FFAR4: variants seen among roughly 807,000 people sequenced by gnomAD.
FFAR4 encodes G-protein coupled receptor 120.
A neutral mutation model predicts 27.0 loss-of-function variants in FFAR4; 19 were observed. The observed-to-expected ratio is 0.70, with a 90% CI of 0.49 to 1.03. The LOEUF (loss-of-function observed/expected upper bound fraction) is 1.03. FFAR4 is among the 50% of genes least tolerant of loss of function. The pLI is 0.00. For missense variants in FFAR4, 476 were observed against 479.0 expected (o/e 0.99, Z 0.06); for synonymous variants, 254 against 215.6 (o/e 1.18, Z -1.56).
At position 93,570,151 on chromosome 10, in the gene FFAR4, T is replaced by C. The variant is rs192376067; in HGVS notation, c.567+2864T>C. On this transcript the variant is annotated intron_variant, in intron 1 of 2. Transcript: ENST00000371481. ...TCTTCTTTCCTACCTGTCTGCCACA[T>C]CCACCTCATCTCTCTCTCTCTCTGT... is the stretch of plus-strand genomic sequence containing the variant. 3.9e-3 allele frequency among the ~76,000 whole-genome samples: 582 copies of C among 151,128 alleles called. 2 individuals carry two copies. Among genetic ancestry groups the C allele is most frequent in the African/African-American group, 0.014 (565 of 41,128 alleles).
chr10:93,569,894 A>C (rs1564781414), intron 1 of FFAR4, among the ~76,000 whole-genome samples: 1 of 151,884 alleles, frequency 6.6e-6, no homozygotes, highest in African/African-American at 2.4e-5. Flanking sequence ...CCCCATCTCT[A>C]CTAAAAATAC....
rs1357850897 is a variant in FFAR4 at position 93,589,053 on chromosome 10, T to TA, written c.*1445dup. 1 of 152,282 alleles carries TA rather than the reference T, an allele frequency of 6.6e-6. No individual in the cohort carries two copies. The highest frequency in any genetic ancestry group is 1.5e-5 in the Non-Finnish European group (1 of 68,090). The allele number at this position is 152,282 out of a possible 1,614,324, so 9.4% of individuals were successfully genotyped here. A position where few individuals can be genotyped will look rare whatever the true frequency, so the allele number is the denominator to read the frequency against. On this transcript the variant is annotated 3_prime_UTR_variant, in exon 3 of 3. Transcript: ENST00000371481. ...GGGGGAAGGGACACAGAAGAGATGT[T>TA]AGTGCAAGGAGGCTGACACGCTTGA...
intron 1 of FFAR4, among the ~76,000 whole-genome samples, chr10:93,571,942 T>G (rs1421988291): frequency 5.9e-5 from 9 of 152,160 alleles, no homozygotes; most frequent in Admixed American, 5.9e-4. Flanking sequence ...TAGAACTTAT[T>G]TGCAAACAGG....
intron 2 of FFAR4, chr10:93,579,111 C>A (rs1244944486): frequency 4.5e-6 from 7 of 1,568,912 alleles, no homozygotes; most frequent in Non-Finnish European, 6.1e-6. Flanking sequence ...ACTCTCGAAG[C>A]ACCTTGTGTC....
chr10:93,583,527 C>A (rs2058211532), intron 2 of FFAR4, among the ~76,000 whole-genome samples: 1 of 152,080 alleles, frequency 6.6e-6, no homozygotes, highest in African/African-American at 2.4e-5. Context: ...GGAGATGAAC[C>A]AGGAATCCTT....
At chr10:93,581,943 C>G (rs2058199738) in intron 2 of FFAR4, among the ~76,000 whole-genome samples, 3 of 152,170 alleles carry the variant, frequency 2.0e-5, no homozygotes, top group Non-Finnish European at 4.4e-5. Context: ...AATCACTTCT[C>G]TTCTCAGGGC....
chr10:93,579,708 T>C (rs998475395), intron 2 of FFAR4, among the ~76,000 whole-genome samples: 4 of 152,204 alleles, frequency 2.6e-5, no homozygotes, highest in Admixed American at 2.0e-4. Context: ...AATAAATATT[T>C]GTTGAATGAA....
intron 2 of FFAR4, among the ~76,000 whole-genome samples, chr10:93,578,372 G>A (rs542358551): frequency 2.7e-4 from 37 of 139,510 alleles, no homozygotes; most frequent in African/African-American, 8.0e-4. Flanking sequence ...AGCCGAGATC[G>A]TGCCACTGCA....
At chr10:93,574,797 G>T (rs1449478406) in intron 1 of FFAR4, among the ~76,000 whole-genome samples, 1 of 152,044 alleles carries the variant, frequency 6.6e-6, no homozygotes, top group Non-Finnish European at 1.5e-5. Flanking sequence ...GGGAGGCTGA[G>T]GCGAGGCAGG....
intron 2 of FFAR4, among the ~76,000 whole-genome samples, chr10:93,581,183 A>G (rs750565697): frequency 5.3e-5 from 8 of 152,218 alleles, no homozygotes; most frequent in South Asian, 2.1e-4. Context: ...TATTTGTCGA[A>G]TAAGTGAGTC....
At chr10:93,567,997 C>G (rs994599279) in intron 1 of FFAR4, among the ~76,000 whole-genome samples, 2 of 152,172 alleles carry the variant, frequency 1.3e-5, no homozygotes, top group Admixed American at 6.5e-5. Flanking sequence ...GCTGGACCGA[C>G]GAGCTCTGTT....
At chr10:93,580,797 A>G (rs868230644) in intron 2 of FFAR4, among the ~76,000 whole-genome samples, 1 of 152,144 alleles carries the variant, frequency 6.6e-6, no homozygotes, top group Non-Finnish European at 1.5e-5. Flanking sequence ...GGGCTGCTTC[A>G]TGTGCTTGGA....
intron 1 of FFAR4, among the ~76,000 whole-genome samples, chr10:93,570,629 G>A (rs776224108): frequency 1.1e-4 from 17 of 152,170 alleles, no homozygotes; most frequent in Admixed American, 2.6e-4. Flanking sequence ...GCTGGCCAAG[G>A]AAACTGCCCC....
Position 93,587,378 on chromosome 10 carries a change from C to T in FFAR4, c.855C>T (p.Leu285=), listed in dbSNP as rs758560553. 4 of 1,614,098 alleles carry T rather than the reference C, an allele frequency of 2.5e-6. No homozygotes were observed. Among genetic ancestry groups the T allele is most frequent in the Admixed American group, 3.3e-5 (2 of 60,016 alleles). The change falls in exon 3 of 3, where the codon CTC becomes CTT. Residue 285 remains leucine (L), a synonymous_variant. Coordinates refer to ENST00000371481, the MANE Select transcript of FFAR4 (RefSeq NM_001195755.2). ...IMWSPIIITI[L]LILIQNFKQD... is the part of the protein sequence containing the mutation. ...GGAGCCCCATCATCATCACCATCCT[C>T]CTCATCCTGATCCAGAACTTCAAGC...
Position 93,587,714 on chromosome 10 carries a change from G to A in FFAR4, c.*105G>A. The A allele has an allele frequency of 8.0e-6, 9 of 1,123,982 alleles. No individual in the cohort carries two copies. Among genetic ancestry groups the A allele is most frequent in the Non-Finnish European group, 1.0e-5 (8 of 787,936 alleles). 69.6% of individuals were successfully genotyped at this position (1,123,982 alleles called of 1,614,324 possible). A position where few individuals can be genotyped will look rare whatever the true frequency, so the allele number is the denominator to read the frequency against. Reference sequence around the variant, plus strand: ...TCAGTGCACCCTGCTTTAAGAAAATGAACCTATGCAAATAGACATCCACAG... The same window carrying A: ...TCAGTGCACCCTGCTTTAAGAAAATAAACCTATGCAAATAGACATCCACAG... On this transcript the variant is annotated 3_prime_UTR_variant, in exon 3 of 3. Coordinates refer to ENST00000371481, the MANE Select transcript of FFAR4 (RefSeq NM_001195755.2).
At chr10:93,575,838 C>T (rs1417851326) in intron 1 of FFAR4, among the ~76,000 whole-genome samples, 7 of 152,198 alleles carry the variant, frequency 4.6e-5, no homozygotes, top group Non-Finnish European at 4.4e-5. Flanking sequence ...TCTTACCACC[C>T]TGTAAGCCTG....
At chr10:93,582,263 G>A (rs1328778239) in intron 2 of FFAR4, among the ~76,000 whole-genome samples, 2 of 152,060 alleles carry the variant, frequency 1.3e-5, no homozygotes, top group Admixed American at 1.3e-4. Flanking sequence ...AAAAGATCCA[G>A]GCCAGGTGCG....
At position 93,589,282 on chromosome 10, in the gene FFAR4, T is replaced by A. The variant is rs2058248787; in HGVS notation, c.*1673T>A. 6.6e-6 allele frequency: 1 copy of A among 152,366 alleles called. No individual in the cohort carries two copies. The highest frequency in any genetic ancestry group is 1.5e-5 in the Non-Finnish European group (1 of 68,188). The allele number at this position is 152,366 out of a possible 1,614,324, so 9.4% of individuals were successfully genotyped here. A position where few individuals can be genotyped will look rare whatever the true frequency, so the allele number is the denominator to read the frequency against. On this transcript the variant is annotated 3_prime_UTR_variant, in exon 3 of 3. Transcript: ENST00000371481. The stretch of plus-strand genomic sequence containing the variant: ...CTGGAGGCTGACGTGACCTGATGAA[T>A]GTGTGCAAAGATTACCCTGGCTGCT...
chr10:93,570,007 T>A (rs781195035), intron 1 of FFAR4, among the ~76,000 whole-genome samples: 53 of 151,524 alleles, frequency 3.5e-4, no homozygotes, highest in Middle Eastern at 3.4e-3. Flanking sequence ...TGCAGTGAGC[T>A]GAGATGATAC....
Sources: allele counts gnomAD v4.1 joint callset (sites outside exome capture counted in the v4.1 genomes callset), GRCh38; gene constraint gnomAD v4.1.1; transcripts MANE v1.5; gene names NCBI Gene and HGNC (gene_info 2026-07-23, HGNC 2026-07-21).